The following UBE2D4 variants were observed in gnomAD, a reference collection of about 807,000 sequenced individuals.
UBE2D4 encodes ubiquitin-conjugating enzyme E2 D4.
A neutral mutation model predicts 23.0 loss-of-function variants in UBE2D4; 17 were observed. That is an observed-to-expected ratio of 0.74 (90% CI 0.51 to 1.11). UBE2D4 has a LOEUF of 1.11. Among genes scored for constraint, UBE2D4 ranks in the 50% least tolerant of loss-of-function variants. The pLI is 0.00. For synonymous variants in UBE2D4, 61 were observed against 69.4 expected (o/e 0.88, Z 0.60); for missense variants, 139 against 181.8 (o/e 0.76, Z 1.35).
chr7:43,948,189 T>C (rs1035601935), intron 4 of UBE2D4, among the ~76,000 whole-genome samples: 5 of 152,254 alleles, frequency 3.3e-5, no homozygotes, highest in African/African-American at 1.2e-4. Flanking sequence ...AGAAGCTCTT[T>C]AGTTTAGTTA....
intron 2 of UBE2D4, among the ~76,000 whole-genome samples, chr7:43,939,046 G>T (rs60657518): frequency 6.6e-6 from 1 of 152,162 alleles, no homozygotes; most frequent in South Asian, 2.1e-4. Context: ...CTCTTCTGGC[G>T]CATGAGAAAG....
intron 5 of UBE2D4, among the ~76,000 whole-genome samples, chr7:43,950,384 G>A (rs578020770): frequency 6.6e-6 from 1 of 152,288 alleles, no homozygotes; most frequent in Admixed American, 6.5e-5. Context: ...CAGGAGGGAA[G>A]TATCCTAGCA....
At chr7:43,932,610 T>C (rs911636204) in intron 1 of UBE2D4, among the ~76,000 whole-genome samples, 6 of 152,080 alleles carry the variant, frequency 3.9e-5, no homozygotes, top group South Asian at 2.1e-4. Flanking sequence ...CTGGCCAACA[T>C]GGCAAAACCC....
chr7:43,949,025 C>T, intron 5 of UBE2D4: 1 of 437,262 alleles, frequency 2.3e-6, no homozygotes, highest in Non-Finnish European at 4.1e-6. Flanking sequence ...TTTTTTTATC[C>T]AAAAATAAGA....
intron 1 of UBE2D4, among the ~76,000 whole-genome samples, chr7:43,930,160 T>C (rs530766503): frequency 3.6e-4 from 55 of 152,226 alleles, no homozygotes; most frequent in Non-Finnish European, 6.9e-4. Flanking sequence ...TTATGAATTA[T>C]GTCTCATGCT....
At chr7:43,945,643 T>A (rs1562604840) in intron 4 of UBE2D4, among the ~76,000 whole-genome samples, 1 of 151,818 alleles carries the variant, frequency 6.6e-6, no homozygotes, top group African/African-American at 2.4e-5. Flanking sequence ...AAAGTAAGTT[T>A]AAAAAAAACT....
At chr7:43,936,207 A>G (rs2095958360) in intron 1 of UBE2D4, among the ~76,000 whole-genome samples, 1 of 152,150 alleles carries the variant, frequency 6.6e-6, no homozygotes, top group African/African-American at 2.4e-5. Flanking sequence ...ATTAAAGTTT[A>G]TGTGCAAAGA....
chr7:43,932,915 A>G lies in UBE2D4; in HGVS notation c.25-5516A>G, dbSNP rs2095949052. Among the ~76,000 whole-genome samples the G allele has an allele frequency of 4.6e-3, 3 of 658 alleles. No individual in the cohort carries two copies. In the South Asian group the frequency reaches 0.12, roughly 27 times the overall value. 0.4% of individuals were successfully genotyped at this position (658 alleles called of 152,430 possible). A position where few individuals can be genotyped will look rare whatever the true frequency, so the allele number is the denominator to read the frequency against. ...AAAAAACTCATCTCTAGTCATCTAA[A>G]GTGGGGTCACTTTTTCTTGCTGGAA... On this transcript the variant is annotated intron_variant, in intron 1 of 6. Transcript: ENST00000222402.
At chr7:43,948,075 G>T (rs1318090674) in intron 4 of UBE2D4, among the ~76,000 whole-genome samples, 2 of 152,148 alleles carry the variant, frequency 1.3e-5, no homozygotes, top group Non-Finnish European at 2.9e-5. Context: ...TAAGTTCTTT[G>T]TAGATTCTGG....
intron 1 of UBE2D4, among the ~76,000 whole-genome samples, chr7:43,933,934 G>A (rs966566506): frequency 2.0e-5 from 3 of 152,160 alleles, no homozygotes; most frequent in African/African-American, 7.2e-5. Flanking sequence ...AGTTCATTAT[G>A]AGGTAAGTGC....
rs1779011176 is a variant in UBE2D4 at position 43,954,308 on chromosome 7, C to G, written c.*1613C>G. 1 of 142,204 alleles carries G rather than the reference C, an allele frequency of 7.0e-6. No individual in the cohort carries two copies. The highest frequency in any genetic ancestry group is 2.6e-5 in the African/African-American group (1 of 39,006). 8.8% of individuals were successfully genotyped at this position (142,204 alleles called of 1,614,324 possible). On this transcript the variant is annotated 3_prime_UTR_variant, in exon 7 of 7. Transcript: ENST00000222402. ...TTTAACACAGAGCCTTGCTCTGTCT[C>G]CCAGGCTGGAGTGCAGTGGTGCGAT...
At chr7:43,948,838 C>A in intron 5 of UBE2D4, 101 bp downstream of exon 5, 1 of 909,664 alleles carries the variant, frequency 1.1e-6, no homozygotes, top group Non-Finnish European at 1.8e-6. Flanking sequence ...AGTCACCTTT[C>A]CCAGGTCACA....
At position 43,938,496 on chromosome 7, in the gene UBE2D4, T is replaced by TA. The variant is rs1456810880; in HGVS notation, c.88+4dup. 9 of 1,613,892 alleles carry TA rather than the reference T, an allele frequency of 5.6e-6. No individual in the cohort carries two copies. Among genetic ancestry groups the TA allele is most frequent in the Non-Finnish European group, 6.8e-6 (8 of 1,179,910 alleles). On this transcript the variant is annotated splice_region_variant and intron_variant, in intron 2 of 6. Transcript: ENST00000222402. ...CTGCAGGACCTGTCGGTGATGACTG[T>TA]AAGTATTTTGGGGGGCTTCAAGTTG...
At chr7:43,943,409 C>G (rs2095978043) in intron 4 of UBE2D4, 1 of 303,892 alleles carries the variant, frequency 3.3e-6, no homozygotes, top group Non-Finnish European at 6.2e-6. Context: ...TGAGCAACAT[C>G]TTAGGATATT....
At chr7:43,935,453 TC>T (rs1384364291) in intron 1 of UBE2D4, among the ~76,000 whole-genome samples, 2 of 152,208 alleles carry the variant, frequency 1.3e-5, no homozygotes, top group Non-Finnish European at 2.9e-5. Context: ...AATTTATGCT[TC>T]TCTGTAAACT....
At chr7:43,951,247 C>T (rs192177400) in intron 6 of UBE2D4, among the ~76,000 whole-genome samples, 4 of 152,308 alleles carry the variant, frequency 2.6e-5, no homozygotes, top group Non-Finnish European at 2.9e-5. Flanking sequence ...AAATTCCGAC[C>T]CCCTAGGCCA....
At chr7:43,942,496 G>A (rs1314749621) in intron 2 of UBE2D4, 9 of 488,798 alleles carry the variant, frequency 1.8e-5, no homozygotes, top group Non-Finnish European at 3.4e-5. Context: ...TTCTGTGTGT[G>A]TTGCCATACA....
chr7:43,948,644 A>G lies in UBE2D4; in HGVS notation c.211A>G (p.Thr71Ala). 1 of 1,606,418 alleles carries G rather than the reference A, an allele frequency of 6.2e-7. No homozygotes were observed. The highest frequency in any genetic ancestry group is 8.5e-7 in the Non-Finnish European group (1 of 1,174,918). ...CTTGTCTTTGCAGGTTGCTTTCACA[A>G]CCAAAATTTATCACCCTAATATCAA... ...PFKPPKVAFT[T>A]KIYHPNINSN... Residue 71 changes from threonine to alanine, a missense_variant, in exon 5 of 7, where the codon ACC (threonine) becomes GCC (alanine). Coordinates refer to ENST00000222402, the MANE Select transcript of UBE2D4 (RefSeq NM_015983.4).
chr7:43,933,874 A>C (rs183918251), intron 1 of UBE2D4, among the ~76,000 whole-genome samples: 387 of 152,336 alleles, frequency 2.5e-3, no homozygotes, highest in African/African-American at 8.9e-3. Context: ...GCTGTCAGCC[A>C]GGTTACCTTC....
Sources: gnomAD v4.1 joint callset for allele counts (sites outside exome capture counted in the v4.1 genomes callset) on GRCh38, gnomAD v4.1.1 for gene constraint, MANE v1.5 for transcripts, NCBI Gene and HGNC (gene_info 2026-07-23, HGNC 2026-07-21) for gene names.